KLHL1: variants seen among roughly 807,000 people sequenced by gnomAD.
KLHL1 encodes kelch-like protein 1.
KLHL1 carries 47 observed loss-of-function variants against 77.7 expected under a neutral mutation model. That is an observed-to-expected ratio of 0.60 (90% confidence interval 0.48 to 0.77). The LOEUF is 0.77. Among genes scored for constraint, KLHL1 ranks in the 30% least tolerant of loss-of-function variants. The probability of loss-of-function intolerance (pLI) is 0.00; values close to 1 mark genes in which losing one functional copy is unlikely to be tolerated. For missense variants in KLHL1, 925 were observed against 910.8 expected (o/e 1.02, Z -0.20); for synonymous variants, 360 against 325.2 (o/e 1.11, Z -1.15).
chr13:69,748,756 G>A (rs1333944456), intron 7 of KLHL1, among the ~76,000 whole-genome samples: 1 of 150,990 alleles, frequency 6.6e-6, no homozygotes, highest in Non-Finnish European at 1.5e-5. Context: ...ATAAATTTTA[G>A]TTGTTAAATA....
At chr13:70,020,936 T>A (rs993291993) in intron 1 of KLHL1, among the ~76,000 whole-genome samples, 1 of 152,052 alleles carries the variant, frequency 6.6e-6, no homozygotes, top group Admixed American at 6.6e-5. Flanking sequence ...TTTCCACATA[T>A]CCCCTGCTTC....
At chr13:70,039,417 A>G (rs1333874842) in intron 1 of KLHL1, among the ~76,000 whole-genome samples, 1 of 152,042 alleles carries the variant, frequency 6.6e-6, no homozygotes, top group African/African-American at 2.4e-5. Context: ...CTTTTTGTTT[A>G]TGATTGAGTT....
intron 1 of KLHL1, among the ~76,000 whole-genome samples, chr13:69,987,217 T>A (rs573450998): frequency 2.0e-5 from 3 of 152,186 alleles, no homozygotes; most frequent in East Asian, 3.9e-4. Flanking sequence ...GATGGTATTA[T>A]TTCTGTTTTT....
intron 7 of KLHL1, among the ~76,000 whole-genome samples, chr13:69,784,175 C>A (rs1176616278): frequency 6.6e-6 from 1 of 152,154 alleles, no homozygotes; most frequent in Non-Finnish European, 1.5e-5. Context: ...ACAAGAGCTC[C>A]TGAAGGAAGC....
chr13:69,711,234 T>A (rs1875863454), intron 9 of KLHL1, among the ~76,000 whole-genome samples: 1 of 152,094 alleles, frequency 6.6e-6, no homozygotes, highest in African/African-American at 2.4e-5. Flanking sequence ...AGGAGATATT[T>A]AGATAGACAG....
chr13:70,093,525 T>C (rs1429238240), intron 1 of KLHL1, among the ~76,000 whole-genome samples: 1 of 152,202 alleles, frequency 6.6e-6, no homozygotes, highest in South Asian at 2.1e-4. Context: ...TATCATATTC[T>C]ATTTTTCCAT....
chr13:70,034,389 A>C (rs1886188699), intron 1 of KLHL1, among the ~76,000 whole-genome samples: 1 of 152,152 alleles, frequency 6.6e-6, no homozygotes, highest in Admixed American at 6.5e-5. Flanking sequence ...GTGAGAAAAA[A>C]ATGAAGGATA....
intron 4 of KLHL1, among the ~76,000 whole-genome samples, chr13:69,925,450 T>C (rs1882784111): frequency 6.6e-6 from 1 of 152,216 alleles, no homozygotes; most frequent in Admixed American, 6.5e-5. Context: ...TTCTTTGCTT[T>C]TTCTTGCCCC....
At chr13:69,764,929 CTTTTTTTTTTTTTTTTT>C (rs71196263) in intron 7 of KLHL1, among the ~76,000 whole-genome samples, 23 of 39,710 alleles carry the variant, frequency 5.8e-4, no homozygotes, top group South Asian at 4.5e-3. Context: ...TATATCTTTG[CTTTTTTTTTTTTTTTTT>C]TTTTTTTTTT....
intron 1 of KLHL1, among the ~76,000 whole-genome samples, chr13:69,993,750 T>A (rs1193093527): frequency 1.3e-5 from 2 of 152,074 alleles, no homozygotes; most frequent in South Asian, 2.1e-4. Context: ...AGGTAAAAAA[T>A]TTCTTCATTA....
At chr13:69,872,037 G>A (rs1880607206) in intron 5 of KLHL1, among the ~76,000 whole-genome samples, 1 of 152,044 alleles carries the variant, frequency 6.6e-6, no homozygotes, top group Non-Finnish European at 1.5e-5. Context: ...AGTCTGTTTT[G>A]TGTTGCTATA....
At chr13:69,914,204 T>C (rs1236985261) in intron 4 of KLHL1, among the ~76,000 whole-genome samples, 1 of 152,156 alleles carries the variant, frequency 6.6e-6, no homozygotes, top group African/African-American at 2.4e-5. Flanking sequence ...CTCCCCTTTA[T>C]ATATACATCT....
chr13:70,105,106 A>T (rs988820523), intron 1 of KLHL1, among the ~76,000 whole-genome samples: 1 of 152,084 alleles, frequency 6.6e-6, no homozygotes, highest in Non-Finnish European at 1.5e-5. Context: ...CCTGATTTTC[A>T]ATAGTTTACA....
At chr13:70,027,151 TTAAAA>T (rs900612203) in intron 1 of KLHL1, among the ~76,000 whole-genome samples, 7 of 152,224 alleles carry the variant, frequency 4.6e-5, no homozygotes, top group East Asian at 1.9e-4. Flanking sequence ...TTTAAAAATA[TTAAAA>T]TAAAACTATT....
Position 69,707,639 on chromosome 13 carries a change from T to G in KLHL1, c.2173A>C (p.Asn725His). 6.2e-7 allele frequency: 1 copy of G among 1,611,368 alleles called. No individual in the cohort carries two copies. The highest frequency in any genetic ancestry group is 8.5e-7 in the Non-Finnish European group (1 of 1,178,380). ...NTMESYDPQT[N>H]EWTQMASLNI... Reference sequence around the variant, plus strand: ...GACAATCTTACCTGTGTCCACTCATTAGTTTGTGGGTCATAGGATTCCATA... The same window carrying G: ...GACAATCTTACCTGTGTCCACTCATGAGTTTGTGGGTCATAGGATTCCATA... Residue 725 changes from asparagine (N) to histidine (H), a missense_variant, in exon 10 of 11, where the codon AAT becomes CAT. Physicochemically the swap from Asn to His is moderately conservative, Grantham distance 68. Transcript: ENST00000377844.
At chr13:69,928,362 A>C (rs992967779) in intron 4 of KLHL1, among the ~76,000 whole-genome samples, 4 of 152,226 alleles carry the variant, frequency 2.6e-5, no homozygotes, top group African/African-American at 9.6e-5. Context: ...GACAGATTTG[A>C]GGTTTCCTCA....
intron 5 of KLHL1, among the ~76,000 whole-genome samples, chr13:69,847,033 A>G (rs528738511): frequency 4.6e-5 from 7 of 151,548 alleles, no homozygotes; most frequent in East Asian, 1.9e-4. Context: ...TGTAAAAATT[A>G]TCTAATGTGT....
chr13:69,790,358 C>T (rs2138026049), intron 7 of KLHL1, among the ~76,000 whole-genome samples: 1 of 152,272 alleles, frequency 6.6e-6, no homozygotes, highest in African/African-American at 2.4e-5. Flanking sequence ...TTATTTTTAT[C>T]TCCTTCTCTG....
chr13:69,731,155 CA>C (rs1873528354), intron 8 of KLHL1, among the ~76,000 whole-genome samples: 1 of 151,950 alleles, frequency 6.6e-6, no homozygotes, highest in African/African-American at 2.4e-5. Flanking sequence ...TAAATATATA[CA>C]TTTTCTATTG....
Sources: allele counts gnomAD v4.1 joint callset (sites outside exome capture counted in the v4.1 genomes callset), GRCh38; gene constraint gnomAD v4.1.1; transcripts MANE v1.5; gene names NCBI Gene and HGNC (gene_info 2026-07-23, HGNC 2026-07-21).